Variants in SARAF observed in about 807,000 individuals in gnomAD.
SARAF encodes store-operated calcium entry-associated regulatory factor.
SARAF carries 23 observed loss-of-function variants against 39.7 expected under a neutral mutation model. The ratio of observed to expected loss-of-function variants is 0.58; its 90% CI spans 0.42 to 0.82. SARAF has a LOEUF of 0.82. Among genes scored for constraint, SARAF ranks in the 40% least tolerant of loss-of-function variants. The probability of loss-of-function intolerance (pLI) is 0.00; values close to 1 mark genes in which losing one functional copy is unlikely to be tolerated. For synonymous variants in SARAF, 175 were observed against 168.5 expected, an observed-to-expected ratio of 1.04 and a Z score of -0.30; for missense variants, 384 against 418.5, an observed-to-expected ratio of 0.92 and a Z score of 0.72.
In SARAF at chr8:30,063,543, T is replaced by C; in HGVS notation, c.*345A>G. 7.2e-6 allele frequency: 2 copies of C among 276,912 alleles called. No homozygotes were observed. The highest frequency in any genetic ancestry group is 1.4e-5 in the Non-Finnish European group (2 of 147,480). 17.2% of individuals were successfully genotyped at this position (276,912 alleles called of 1,614,324 possible). Reference sequence around the variant, plus strand: ...CTACAACCACCTAAAACTGAAATTTTCTGTACTTAGTTTCTATTAGTACAA... The same window carrying C: ...CTACAACCACCTAAAACTGAAATTTCCTGTACTTAGTTTCTATTAGTACAA... On this transcript the variant is annotated 3_prime_UTR_variant, in exon 6 of 6. Coordinates refer to ENST00000256255, the MANE Select transcript of SARAF (RefSeq NM_016127.6).
At chr8:30,065,911 T>C in intron 5 of SARAF, 77 bp downstream of exon 5, 1 of 1,533,238 alleles carries the variant, frequency 6.5e-7, no homozygotes, top group Non-Finnish European at 9.0e-7. Flanking sequence ...GCTAAACAGA[T>C]AATCATCTTC....
intron 1 of SARAF, among the ~76,000 whole-genome samples, chr8:30,081,720 A>T (rs984787393): frequency 2.6e-5 from 3 of 114,980 alleles, no homozygotes; most frequent in African/African-American, 1.1e-4. Flanking sequence ...AGCAAAAATG[A>T]TGTTGTTTTC....
At chr8:30,071,680 G>C (rs1218891149) in intron 2 of SARAF, among the ~76,000 whole-genome samples, 1 of 152,172 alleles carries the variant, frequency 6.6e-6, no homozygotes, top group Non-Finnish European at 1.5e-5. Context: ...TCCCTAAATG[G>C]ACAGTTCACA....
intron 1 of SARAF, among the ~76,000 whole-genome samples, chr8:30,079,409 C>T (rs1285488147): frequency 6.6e-6 from 1 of 152,128 alleles, no homozygotes; most frequent in African/African-American, 2.4e-5. Context: ...ACATGGGCTA[C>T]AGATCTAAAA....
chr8:30,078,374 TGAGAAACA>T (rs1802022939), intron 1 of SARAF: 1 of 329,710 alleles, frequency 3.0e-6, no homozygotes, highest in African/African-American at 2.3e-5. Context: ...TACCCAGGCC[TGAGAAACA>T]GACCACACAA....
At chr8:30,068,502 C>T (rs1801743300) in intron 3 of SARAF, among the ~76,000 whole-genome samples, 1 of 152,140 alleles carries the variant, frequency 6.6e-6, no homozygotes, top group African/African-American at 2.4e-5. Context: ...GTAATAACAA[C>T]ATAAATAAAG....
chr8:30,073,826 T>C, intron 2 of SARAF, 51 bp downstream of exon 2: 1 of 1,533,172 alleles, frequency 6.5e-7, no homozygotes, highest in Non-Finnish European at 9.0e-7. Flanking sequence ...CAATAAACAA[T>C]TTACTGAATA....
At chr8:30,076,710 T>C (rs996059479) in intron 1 of SARAF, among the ~76,000 whole-genome samples, 1 of 152,184 alleles carries the variant, frequency 6.6e-6, no homozygotes, top group African/African-American at 2.4e-5. Context: ...CTGGGTTAGT[T>C]ATCGCAGGAG....
At chr8:30,075,908 C>G (rs983394486) in intron 1 of SARAF, among the ~76,000 whole-genome samples, 4 of 145,344 alleles carry the variant, frequency 2.8e-5, no homozygotes, top group African/African-American at 1.0e-4. Flanking sequence ...ATGACTAGAC[C>G]TAAGTGAAAG....
intron 3 of SARAF, among the ~76,000 whole-genome samples, chr8:30,068,634 A>C (rs964848501): frequency 3.3e-5 from 5 of 151,326 alleles, no homozygotes; most frequent in African/African-American, 1.2e-4. Context: ...GGTGCCAAAA[A>C]GGCTGGGGAC....
At chr8:30,077,945 G>A (rs963025136) in intron 1 of SARAF, among the ~76,000 whole-genome samples, 1 of 151,708 alleles carries the variant, frequency 6.6e-6, no homozygotes, top group Non-Finnish European at 1.5e-5. Flanking sequence ...TTCGAGACCA[G>A]TCTGGCAAAT....
rs1563349312 is a variant in SARAF, at chr8:30,063,676, T to C, written c.*212A>G. The C allele has an allele frequency of 8.5e-6, 5 of 585,082 alleles. No individual in the cohort carries two copies. Among genetic ancestry groups the C allele is most frequent in the East Asian group, 2.9e-5 (1 of 34,962 alleles). 36.2% of individuals were successfully genotyped at this position (585,082 alleles called of 1,614,324 possible). Reference sequence around the variant, plus strand: ...TCAAAAACTGCAATATACATCTGCATGTTACACTGACATACAACACATAAG... The same window carrying C: ...TCAAAAACTGCAATATACATCTGCACGTTACACTGACATACAACACATAAG... On this transcript the variant is annotated 3_prime_UTR_variant, in exon 6 of 6. Transcript: ENST00000256255.
At chr8:30,079,287 T>C (rs1802047881) in intron 1 of SARAF, among the ~76,000 whole-genome samples, 1 of 151,744 alleles carries the variant, frequency 6.6e-6, no homozygotes, top group Admixed American at 6.6e-5. Context: ...TAAGATGAAG[T>C]GGTCTTTTTA....
intron 1 of SARAF, among the ~76,000 whole-genome samples, chr8:30,079,575 G>C (rs1043492351): frequency 6.6e-6 from 1 of 152,296 alleles, no homozygotes; most frequent in South Asian, 2.1e-4. Flanking sequence ...TGAATTTATT[G>C]TAACAGAGTT....
intron 1 of SARAF, among the ~76,000 whole-genome samples, chr8:30,080,930 G>A (rs530878730): frequency 1.5e-4 from 23 of 152,234 alleles, no homozygotes; most frequent in Non-Finnish European, 2.9e-4. Context: ...ACCTGAGGTT[G>A]GGAGTTCAAG....
intron 3 of SARAF, among the ~76,000 whole-genome samples, chr8:30,067,415 TAAGA>T: frequency 6.6e-6 from 1 of 152,282 alleles, no homozygotes; most frequent in African/African-American, 2.4e-5. Flanking sequence ...TACATATATA[TAAGA>T]AAGTGTGCTA....
At chr8:30,064,268 C>G (rs1166978385) in intron 5 of SARAF, among the ~76,000 whole-genome samples, 1 of 152,056 alleles carries the variant, frequency 6.6e-6, no homozygotes, top group Non-Finnish European at 1.5e-5. Context: ...TCTCACAACT[C>G]CAGTGGTAAG....
At chr8:30,083,086 C>A, upstream of SARAF, 1 of 586,818 alleles carries the variant, frequency 1.7e-6, no homozygotes, top group Non-Finnish European at 2.9e-6. Flanking sequence ...GAGCTGCAGC[C>A]GCAACGGATC....
At chr8:30,068,951 G>A (rs1801758974) in intron 3 of SARAF, among the ~76,000 whole-genome samples, 1 of 151,846 alleles carries the variant, frequency 6.6e-6, no homozygotes, top group Non-Finnish European at 1.5e-5. Flanking sequence ...CTATCCTAAG[G>A]TCATAACAAA....
Sources: allele counts gnomAD v4.1 joint callset (sites outside exome capture counted in the v4.1 genomes callset), GRCh38; gene constraint gnomAD v4.1.1; transcripts MANE v1.5; gene names NCBI Gene and HGNC (gene_info 2026-07-23, HGNC 2026-07-21).